The following HEATR3 variants were observed in gnomAD, a reference collection of about 807,000 sequenced individuals.
HEATR3 encodes the protein HEAT repeat-containing protein 3.
Under a neutral mutation model 72.8 loss-of-function variants are expected in HEATR3, and 56 were observed. The observed-to-expected ratio is 0.77, with a 90% CI of 0.62 to 0.96. The LOEUF is 0.96. Ranked by LOEUF, HEATR3 falls within the 40% of genes least tolerant of loss-of-function variation. HEATR3 has a pLI of 0.00. For missense variants in HEATR3, 747 were observed against 831.4 expected, an observed-to-expected ratio of 0.90 and a Z score of 1.25; for synonymous variants, 331 against 318.1, an observed-to-expected ratio of 1.04 and a Z score of -0.43.
Position 50,075,684 on chromosome 16 carries a change from T to G in HEATR3, c.736T>G (p.Ser246Ala). The G allele has an allele frequency of 1.2e-6, 2 of 1,613,826 alleles. No individual in the cohort carries two copies. The highest frequency in any genetic ancestry group is 1.7e-6 in the Non-Finnish European group (2 of 1,179,798). ...GCTTTCTCCTGTCAGTTCCATGGAA[T>G]CTCTTCTATTGAAGACATTGGTAGC... ...ALLSPVSSME[S>A]LLLKTLVAGT... is the part of the protein sequence containing the mutation. Residue 246 changes from serine to alanine, a missense_variant, in exon 6 of 15, where the codon TCT (serine) becomes GCT (alanine). This residue lies in a region of HEATR3 where 586 missense variants were observed against 708.8 expected (regional missense o/e 0.83). Transcript: ENST00000299192.
chr16:50,071,953 T>A (rs1211369276), intron 4 of HEATR3, among the ~76,000 whole-genome samples: 1 of 152,208 alleles, frequency 6.6e-6, no homozygotes, highest in Admixed American at 6.5e-5. Context: ...AAAAAATACT[T>A]ATTGTAATTT....
chr16:50,085,886 A>C (rs1238222075), intron 10 of HEATR3, among the ~76,000 whole-genome samples: 2 of 152,064 alleles, frequency 1.3e-5, no homozygotes, highest in Non-Finnish European at 2.9e-5. Flanking sequence ...AAACTTAGCC[A>C]GGTGTGGTTG....
In HEATR3 at chr16:50,078,948, A is replaced by G. The variant is rs753114752; in HGVS notation, c.971A>G (p.Asp324Gly). Reference sequence around the variant, plus strand: ...ACTAATGGGGATGATTTGATTGAAGATGATGAAATGGAAGGAATTTCTCAT... The same window carrying G: ...ACTAATGGGGATGATTTGATTGAAGGTGATGAAATGGAAGGAATTTCTCAT... ...ENTNGDDLIE[D>G]DEMEGISHKR... The change falls in exon 7 of 15, where the codon GAT becomes GGT. Residue 324 changes from aspartate (D) to glycine (G), a missense_variant. Asp to Gly is a moderately conservative substitution (Grantham distance 94). Transcript: ENST00000299192. 12 of 1,613,876 alleles carry G rather than the reference A, an allele frequency of 7.4e-6. No individual in the cohort carries two copies. The highest frequency in any genetic ancestry group is 1.0e-5 in the Non-Finnish European group (12 of 1,179,968).
intron 5 of HEATR3, among the ~76,000 whole-genome samples, chr16:50,075,246 G>A (rs890731557): frequency 2.0e-5 from 3 of 151,432 alleles, no homozygotes; most frequent in Non-Finnish European, 4.4e-5. Context: ...GAACCTGGGA[G>A]GCAGAGGTTG....
rs573373272 is a variant in HEATR3 at position 50,092,738 on chromosome 16, G to A, written c.1511-1967G>A. On this transcript the variant is annotated intron_variant, in intron 11 of 14. Coordinates refer to ENST00000299192, the MANE Select transcript of HEATR3 (RefSeq NM_182922.4). ...ATTACAGGCGTGAGCCACCGCGCCC[G>A]GCCCAAGGTCATTCTTTTAGCTTGT... 2.5e-4 allele frequency among the ~76,000 whole-genome samples: 24 copies of A among 96,648 alleles called. 1 individual carries two copies. The highest frequency in any genetic ancestry group is 8.1e-4 in the African/African-American group (24 of 29,658). The allele number at this position is 96,648 out of a possible 152,430, so 63.4% of individuals were successfully genotyped here. A position where few individuals can be genotyped will look rare whatever the true frequency, so the allele number is the denominator to read the frequency against.
chr16:50,075,181 A>G (rs12928994), intron 5 of HEATR3, among the ~76,000 whole-genome samples: 151,554 of 151,890 alleles, frequency 1, 75,609 homozygotes, highest in Middle Eastern at 1. Context: ...GCCAGGCATC[A>G]TGGCGCATAC....
intron 7 of HEATR3, among the ~76,000 whole-genome samples, chr16:50,081,629 G>A (rs2036869424): frequency 6.6e-6 from 1 of 152,210 alleles, no homozygotes; most frequent in Non-Finnish European, 1.5e-5. Context: ...TTAAGTGCCA[G>A]TAGGATGCCA....
At chr16:50,069,275 C>G (rs541666732) in intron 3 of HEATR3, 22 of 166,470 alleles carry the variant, frequency 1.3e-4, no homozygotes, top group Non-Finnish European at 5.3e-5. Context: ...ACATTAGGAA[C>G]TTGTGAAGAT....
At chr16:50,098,409 A>G (rs1720514580) in intron 12 of HEATR3, 1 of 152,188 alleles carries the variant, frequency 6.6e-6, no homozygotes. Flanking sequence ...TAATCCCAGC[A>G]GTTTTGGAGG....
At chr16:50,095,678 C>A (rs951140643) in intron 12 of HEATR3, among the ~76,000 whole-genome samples, 1 of 152,040 alleles carries the variant, frequency 6.6e-6, no homozygotes, top group Admixed American at 6.6e-5. Flanking sequence ...CAGGTGTGCG[C>A]TACCATGTCC....
intron 11 of HEATR3, among the ~76,000 whole-genome samples, chr16:50,090,034 T>C (rs2037074192): frequency 6.6e-6 from 1 of 152,160 alleles, no homozygotes; most frequent in South Asian, 2.1e-4. Flanking sequence ...CTATGGGTTC[T>C]ATATGGATAG....
rs1267462665 is a variant in HEATR3 at position 50,066,505 on chromosome 16, C to G, written c.277C>G (p.Leu93Val). 5 of 1,322,594 alleles carry G rather than the reference C, an allele frequency of 3.8e-6. No individual in the cohort carries two copies. Among genetic ancestry groups the G allele is most frequent in the Non-Finnish European group, 4.8e-6 (5 of 1,041,900 alleles). The allele number at this position is 1,322,594 out of a possible 1,614,324, so 81.9% of individuals were successfully genotyped here. A position where few individuals can be genotyped will look rare whatever the true frequency, so the allele number is the denominator to read the frequency against. Residue 93 changes from leucine to valine, a missense_variant, in exon 2 of 15, where the codon CTG becomes GTG. Around this residue, in one of 2 missense-constraint regions of HEATR3, gnomAD observed 586 missense variants for 708.8 expected, o/e 0.83. Coordinates refer to ENST00000299192, the MANE Select transcript of HEATR3 (RefSeq NM_182922.4). Reference sequence around the variant, plus strand: ...CGGGCCGCTGCTGCTAGACCCCAGCCTGGCCGTCAGGGAGACTGCAGCCGG... The same window carrying G: ...CGGGCCGCTGCTGCTAGACCCCAGCGTGGCCGTCAGGGAGACTGCAGCCGG... ...RLGPLLLDPS[L>V]AVRETAAGAL...
At position 50,106,283 on chromosome 16, in the gene HEATR3, C is replaced by CA. The variant is rs910419931; in HGVS notation, c.*1223dup. The CA allele has an allele frequency of 7.9e-5, 12 of 152,264 alleles. No individual in the cohort carries two copies. The highest frequency in any genetic ancestry group is 2.6e-4 in the Admixed American group (4 of 15,292). The allele number at this position is 152,264 out of a possible 1,614,324, so 9.4% of individuals were successfully genotyped here. On this transcript the variant is annotated 3_prime_UTR_variant, in exon 15 of 15. Transcript: ENST00000299192. ...TGGGGTCATTGCCATCCTCCCTACT[C>CA]ATGACTTTGATGAGTTATTGCTGTA...
chr16:50,074,196 A>G (rs527737523), intron 5 of HEATR3: 1 of 152,270 alleles, frequency 6.6e-6, no homozygotes, highest in East Asian at 1.9e-4. Context: ...TTTTATATAA[A>G]CTACTTTTTT....
chr16:50,095,704 C>T lies in HEATR3; in HGVS notation c.1599+911C>T, dbSNP rs371589687. ...TACCATGTCCAAAGCAGAGATAACC[C>T]TATGAGCCTGCATGCACCGTCGCCA... is the stretch of plus-strand genomic sequence containing the variant. On this transcript the variant is annotated intron_variant, in intron 12 of 14. Transcript: ENST00000299192. 3.0e-4 allele frequency among the ~76,000 whole-genome samples: 45 copies of T among 152,094 alleles called. 1 individual carries two copies. In the South Asian group the frequency reaches 9.1e-3, roughly 31 times the overall value.
chr16:50,067,663 ACT>A (rs2036529198), intron 2 of HEATR3, among the ~76,000 whole-genome samples: 1 of 152,060 alleles, frequency 6.6e-6, no homozygotes, highest in African/African-American at 2.4e-5. Context: ...TGTGAAGACC[ACT>A]CTGCTGGTTG....
At chr16:50,089,313 C>G (rs765760972) in intron 11 of HEATR3, among the ~76,000 whole-genome samples, 40 of 151,968 alleles carry the variant, frequency 2.6e-4, no homozygotes, top group Non-Finnish European at 5.0e-4. Flanking sequence ...TAGAAATCGC[C>G]TACCACACGT....
At chr16:50,094,586 GT>G in intron 11 of HEATR3, 118 bp from the exon 12 acceptor site, 1 of 561,604 alleles carries the variant, frequency 1.8e-6, no homozygotes, top group Non-Finnish European at 3.0e-6. Flanking sequence ...TTTTTTGTTT[GT>G]TTGTTTTATT....
chr16:50,079,391 C>T (rs966278217), intron 7 of HEATR3, among the ~76,000 whole-genome samples: 2 of 152,158 alleles, frequency 1.3e-5, no homozygotes, highest in African/African-American at 4.8e-5. Context: ...CTGAATTGTC[C>T]CTTGCATTCT....
Sources: allele counts gnomAD v4.1 joint callset (sites outside exome capture counted in the v4.1 genomes callset), GRCh38; gene constraint gnomAD v4.1.1; regional missense constraint gnomAD v4.1.1; transcripts MANE v1.5; gene names NCBI Gene and HGNC (gene_info 2026-07-23, HGNC 2026-07-21).